PTPRA: variants seen among roughly 807,000 people sequenced by gnomAD.
The protein encoded by PTPRA is receptor-type tyrosine-protein phosphatase alpha.
Under a neutral mutation model 104.8 loss-of-function variants are expected in PTPRA, and 25 were observed. The ratio of observed to expected loss-of-function variants is 0.24; its 90% CI spans 0.17 to 0.33. PTPRA has a LOEUF of 0.33. Ranked by LOEUF, PTPRA falls within the 10% of genes least tolerant of loss-of-function variation. The pLI is 1.00. For missense variants in PTPRA, 765 were observed against 1,015.3 expected (o/e 0.75, Z 3.35); for synonymous variants, 323 against 368.9 (o/e 0.88, Z 1.43).
chr20:3,030,311 C>G (rs1401119115), intron 20 of PTPRA, among the ~76,000 whole-genome samples: 1 of 152,100 alleles, frequency 6.6e-6, no homozygotes, highest in African/African-American at 2.4e-5. Context: ...AGTGAGGCCT[C>G]TCCCTCTGCC....
At chr20:2,932,479 G>T (rs1179870273) in intron 2 of PTPRA, among the ~76,000 whole-genome samples, 1 of 152,178 alleles carries the variant, frequency 6.6e-6, no homozygotes, top group African/African-American at 2.4e-5. Context: ...ATGGAAAAAT[G>T]GAAAGTACCA....
Position 3,032,638 on chromosome 20 carries a change from T to C in PTPRA, c.1921-2947T>C, listed in dbSNP as rs778497063. 6.6e-5 allele frequency among the ~76,000 whole-genome samples: 10 copies of C among 151,734 alleles called. No individual in the cohort carries two copies. The South Asian group carries it at 8.3e-4, about 13-fold the overall frequency. On this transcript the variant is annotated intron_variant, in intron 20 of 23. Transcript: ENST00000399903. ...AAAATTAGCTGGGCGCGATGGTGCA[T>C]GCCTGTGATCCCAGCTACTCGGGAG...
intron 9 of PTPRA, among the ~76,000 whole-genome samples, chr20:2,994,680 C>G (rs188585795): frequency 6.6e-6 from 1 of 152,278 alleles, no homozygotes; most frequent in East Asian, 1.9e-4. Flanking sequence ...TACTTTGTGC[C>G]CAGGTTTTTC....
At chr20:2,981,604 AAGCCCTTACC>A in intron 6 of PTPRA, among the ~76,000 whole-genome samples, 1 of 152,326 alleles carries the variant, frequency 6.6e-6, no homozygotes, top group Admixed American at 6.5e-5. Flanking sequence ...TGTAAAAAAG[AAGCCCTTACC>A]AGTCTCTGTG....
rs2061888974 is a variant in PTPRA, at chr20:2,964,872, G to T, written c.85G>T (p.Val29Leu). 2 of 1,612,708 alleles carry T rather than the reference G, an allele frequency of 1.2e-6. No homozygotes were observed. The highest frequency in any genetic ancestry group is 1.7e-6 in the Non-Finnish European group (2 of 1,179,136). ...TTTGGTGTTTGTAGTTGCACCTTCTGTAGGAATTACAAGATTAATTAACTC... is the reference window on the plus strand; with the variant it reads ...TTTGGTGTTTGTAGTTGCACCTTCTTTAGGAATTACAAGATTAATTAACTC... ...ANNATTVAPS[V>L]GITRLINSST... Residue 29 changes from valine (V) to leucine (L), a missense_variant, in exon 5 of 24, where the codon GTA (valine) becomes TTA (leucine). Coordinates refer to ENST00000399903, the MANE Select transcript of PTPRA (RefSeq NM_001385305.1).
rs529405379 is a variant in PTPRA, at chr20:2,991,603, C to A, written c.738+3129C>A. Among the ~76,000 whole-genome samples the A allele has an allele frequency of 6.8e-4, 104 of 152,192 alleles. 1 individual carries two copies. The highest frequency in any genetic ancestry group is 2.3e-3 in the African/African-American group (97 of 41,530). On this transcript the variant is annotated intron_variant, in intron 9 of 23. Transcript: ENST00000399903. ...GAATTATTTGTTTGGAGGTAATATTCCCTGAGACTCCATGGTAAGGTATTT... is the reference window on the plus strand; with the variant it reads ...GAATTATTTGTTTGGAGGTAATATTACCTGAGACTCCATGGTAAGGTATTT...
intron 9 of PTPRA, among the ~76,000 whole-genome samples, chr20:2,989,992 G>T (rs2063099778): frequency 6.6e-6 from 1 of 152,184 alleles, no homozygotes. Context: ...ACTGCAGCCT[G>T]GGCAACAGAG....
chr20:3,022,289 C>G lies in PTPRA; in HGVS notation c.1328+69C>G. The G allele has an allele frequency of 6.4e-7, 1 of 1,555,546 alleles. No individual in the cohort carries two copies. Among genetic ancestry groups the G allele is most frequent in the Non-Finnish European group, 8.8e-7 (1 of 1,139,332 alleles). On this transcript the variant is annotated intron_variant, in intron 15 of 23. Coordinates refer to ENST00000399903, the MANE Select transcript of PTPRA (RefSeq NM_001385305.1). The surrounding 1 kb of genome is among the most constrained non-coding windows in gnomAD (Gnocchi z 4.6). ...CCCCATGGCCAGAGCAGGGGAACAGCACAAGGGCCCTGGCTGAGGAGGCTG... is the reference window on the plus strand; with the variant it reads ...CCCCATGGCCAGAGCAGGGGAACAGGACAAGGGCCCTGGCTGAGGAGGCTG...
intron 1 of PTPRA, among the ~76,000 whole-genome samples, chr20:2,908,485 C>T (rs914218481): frequency 2.0e-5 from 3 of 152,126 alleles, no homozygotes; most frequent in African/African-American, 7.2e-5. Context: ...ATTTTGGTAT[C>T]CACGGTTGAT....
chr20:2,942,957 A>G (rs920916757), intron 2 of PTPRA, among the ~76,000 whole-genome samples: 1 of 151,914 alleles, frequency 6.6e-6, no homozygotes. Context: ...ACAATAACTA[A>G]TAATAAAATA....
At chr20:3,031,633 T>C (rs1319162003) in intron 20 of PTPRA, among the ~76,000 whole-genome samples, 1 of 152,194 alleles carries the variant, frequency 6.6e-6, no homozygotes, top group Non-Finnish European at 1.5e-5. Context: ...GCATCCGCCC[T>C]GTTTACTGCC....
At chr20:2,913,237 G>A (rs2059786889) in intron 1 of PTPRA, among the ~76,000 whole-genome samples, 2 of 152,118 alleles carry the variant, frequency 1.3e-5, no homozygotes, top group African/African-American at 4.8e-5. Flanking sequence ...AATGAGCCGA[G>A]CTTGGTGGTG....
intron 1 of PTPRA, among the ~76,000 whole-genome samples, chr20:2,912,634 A>G (rs749586171): frequency 3.5e-4 from 53 of 152,226 alleles, no homozygotes; most frequent in Non-Finnish European, 7.3e-5. Flanking sequence ...AAAAACAGAC[A>G]ACGACAAAAA....
At chr20:2,928,369 A>G (rs1282412624) in intron 2 of PTPRA, among the ~76,000 whole-genome samples, 2 of 152,074 alleles carry the variant, frequency 1.3e-5, no homozygotes, top group Non-Finnish European at 2.9e-5. Flanking sequence ...TGGCCTCCCA[A>G]AGTGCTGGGA....
At chr20:2,978,497 T>G (rs950807747) in intron 6 of PTPRA, among the ~76,000 whole-genome samples, 1 of 152,176 alleles carries the variant, frequency 6.6e-6, no homozygotes, top group Non-Finnish European at 1.5e-5. Flanking sequence ...TACTGACTAG[T>G]TTGTAGTTGA....
intron 3 of PTPRA, among the ~76,000 whole-genome samples, chr20:2,954,294 G>A (rs183439889): frequency 0.029 from 4,474 of 151,800 alleles, 94 homozygotes; most frequent in South Asian, 0.076. Context: ...GGCCAGGCTG[G>A]GCTCGAACTC....
intron 5 of PTPRA, among the ~76,000 whole-genome samples, chr20:2,969,328 A>G (rs946240032): frequency 1.3e-5 from 2 of 151,600 alleles, no homozygotes; most frequent in African/African-American, 4.8e-5. Context: ...GCATACTGCA[A>G]ACTCTGCCTT....
rs566875536 is a variant in PTPRA, at chr20:2,961,636, A to G, written c.-6-2636A>G. ...TATTTTAATGAAGTCCAGACTATCA[A>G]TTATGTTCTCATGGATCATGCCTTT... On this transcript the variant is annotated intron_variant, in intron 3 of 23. Transcript: ENST00000399903. Among the ~76,000 whole-genome samples the G allele has an allele frequency of 8.5e-5, 13 of 152,272 alleles. No individual in the cohort carries two copies. The South Asian group carries it at 1.9e-3, about 22-fold the overall frequency.
At chr20:2,949,731 TA>T in intron 3 of PTPRA, among the ~76,000 whole-genome samples, 2 of 151,414 alleles carry the variant, frequency 1.3e-5, no homozygotes, top group Middle Eastern at 6.8e-3. Context: ...TTTTTTTTTT[TA>T]AATAGTAACT....
Sources: allele counts gnomAD v4.1 joint callset (sites outside exome capture counted in the v4.1 genomes callset), GRCh38; gene constraint gnomAD v4.1.1; non-coding constraint Gnocchi (gnomAD v3.1); transcripts MANE v1.5; gene names NCBI Gene and HGNC (gene_info 2026-07-23, HGNC 2026-07-21).